TLN2: variants seen among roughly 807,000 people sequenced by gnomAD.
TLN2 encodes talin-2.
TLN2 carries 118 observed loss-of-function variants against 294.7 expected under a neutral mutation model. The ratio of observed to expected loss-of-function variants is 0.40; its 90% CI spans 0.34 to 0.47. The LOEUF (loss-of-function observed/expected upper bound fraction) is 0.47, where lower values mean the gene tolerates loss of function less well. TLN2 is among the 20% of genes least tolerant of loss of function. The probability of loss-of-function intolerance (pLI) is 0.84; values close to 1 mark genes in which losing one functional copy is unlikely to be tolerated. For missense variants in TLN2, 3,083 were observed against 3,282.2 expected, an observed-to-expected ratio of 0.94 and a Z score of 1.48; for synonymous variants, 1,431 against 1,304.5, an observed-to-expected ratio of 1.10 and a Z score of -2.09.
At chr15:62,820,721 G>T in intron 54 of TLN2, 111 bp downstream of exon 54, 1 of 1,407,824 alleles carries the variant, frequency 7.1e-7, no homozygotes, top group Non-Finnish European at 9.5e-7. Flanking sequence ...CTTATGGTCA[G>T]ACTAGCAAGC....
At chr15:62,732,577 A>G (rs943767946) in intron 28 of TLN2, among the ~76,000 whole-genome samples, 25 of 152,248 alleles carry the variant, frequency 1.6e-4, no homozygotes, top group African/African-American at 6.0e-4. Flanking sequence ...CTGTGGACAC[A>G]GTTCAGATTG....
rs2067385500 is a variant in TLN2 at position 62,819,522 on chromosome 15, C to T, written c.6778C>T (p.Gln2260Ter). 1.9e-6 allele frequency: 3 copies of T among 1,613,974 alleles called. No homozygotes were observed. The highest frequency in any genetic ancestry group is 2.5e-6 in the Non-Finnish European group (3 of 1,179,996). The change falls in exon 53 of 59, where the codon CAG becomes TAG. Residue 2260 changes from glutamine (Q) to a stop codon, truncating the protein, a stop_gained. Transcript: ENST00000636159. LOFTEE classifies it high-confidence loss of function. ...DLLEHVLVIL[Q>*]KPTPEFKQQL... Reference sequence around the variant, plus strand: ...ACTTGTTCTTCACCTGTAGATTCTTCAGAAACCAACCCCAGAATTCAAGCA... The same window carrying T: ...ACTTGTTCTTCACCTGTAGATTCTTTAGAAACCAACCCCAGAATTCAAGCA...
intron 1 of TLN2, among the ~76,000 whole-genome samples, chr15:62,461,963 G>T (rs575770037): frequency 6.6e-6 from 1 of 152,226 alleles, no homozygotes; most frequent in Non-Finnish European, 1.5e-5. Context: ...TAGGCTGGGC[G>T]TGGTGGCTCA....
intron 2 of TLN2, among the ~76,000 whole-genome samples, chr15:62,607,030 C>G (rs957236451): frequency 3.9e-5 from 6 of 152,178 alleles, no homozygotes; most frequent in Admixed American, 6.5e-5. Context: ...TCCGCCCCTT[C>G]CTCATCTCCG....
At chr15:62,620,189 G>A (rs117747807) in intron 3 of TLN2, among the ~76,000 whole-genome samples, 601 of 151,964 alleles carry the variant, frequency 4.0e-3, no homozygotes, top group Middle Eastern at 0.01. Flanking sequence ...CTATATTGCC[G>A]AGGCTAATCT....
intron 1 of TLN2, among the ~76,000 whole-genome samples, chr15:62,521,203 A>G (rs533988966): frequency 1.8e-4 from 28 of 151,734 alleles, no homozygotes; most frequent in African/African-American, 6.0e-4. Context: ...ATCACATCCC[A>G]CCCTTCTCTT....
Position 62,809,917 on chromosome 15 carries a change from C to G in TLN2, c.6664-8C>G, listed in dbSNP as rs1240502983. The stretch of plus-strand genomic sequence containing the variant: ...TGTTAAGATTTCAGCATTCCTTTCT[C>G]TCTCCAGCAAGCATCCTTCCACCCC... On this transcript the variant is annotated splice_polypyrimidine_tract_variant and splice_region_variant and intron_variant, in intron 51 of 58. Coordinates refer to ENST00000636159, the MANE Select transcript of TLN2 (RefSeq NM_015059.3). The G allele has an allele frequency of 1.9e-6, 3 of 1,613,682 alleles. No homozygotes were observed. The highest frequency in any genetic ancestry group is 1.7e-5 in the Admixed American group (1 of 59,994).
intron 45 of TLN2, among the ~76,000 whole-genome samples, chr15:62,786,390 C>T (rs762428624): frequency 6.6e-6 from 1 of 152,134 alleles, no homozygotes; most frequent in African/African-American, 2.4e-5. Context: ...CAAGCAGGAG[C>T]TTTATCTGCT....
chr15:62,781,544 G>A (rs1387476525), intron 44 of TLN2, among the ~76,000 whole-genome samples: 1 of 152,208 alleles, frequency 6.6e-6, no homozygotes, highest in Non-Finnish European at 1.5e-5. Flanking sequence ...GGAAAGCAAG[G>A]AATTTGTAGT....
chr15:62,740,861 C>T, intron 32 of TLN2, 92 bp downstream of exon 32: 2 of 1,543,854 alleles, frequency 1.3e-6, no homozygotes, highest in Non-Finnish European at 1.8e-6. Flanking sequence ...TTTTGCTGAG[C>T]AAAAGAATTG....
rs558748161 is a variant in TLN2 at position 62,504,708 on chromosome 15, C to T, written c.-237-84979C>T. Among the ~76,000 whole-genome samples, 87 of 152,134 alleles carry T rather than the reference C, an allele frequency of 5.7e-4. 2 individuals carry two copies. The South Asian group carries it at 0.018, about 31-fold the overall frequency. Reference sequence around the variant, plus strand: ...GATCGTAGACTTTAAGTAAAACTTCCAGTAGTTCCATTAGGCTATTTATTT... The same window carrying T: ...GATCGTAGACTTTAAGTAAAACTTCTAGTAGTTCCATTAGGCTATTTATTT... On this transcript the variant is annotated intron_variant, in intron 1 of 58. Transcript: ENST00000636159.
At chr15:62,426,974 T>C (rs1468826880) in intron 1 of TLN2, among the ~76,000 whole-genome samples, 1 of 152,184 alleles carries the variant, frequency 6.6e-6, no homozygotes, top group African/African-American at 2.4e-5. Flanking sequence ...TCTCCATTTA[T>C]AGCTTAAGCA....
chr15:62,752,183 G>C, intron 34 of TLN2, 122 bp from the exon 35 acceptor site: 1 of 1,288,666 alleles, frequency 7.8e-7, no homozygotes, highest in Non-Finnish European at 1.1e-6. Context: ...CCAAATAAAG[G>C]AGAAAATGTC....
chr15:62,619,001 G>A (rs961851279), intron 3 of TLN2, among the ~76,000 whole-genome samples: 5 of 152,130 alleles, frequency 3.3e-5, no homozygotes, highest in Admixed American at 1.3e-4. Context: ...AAGCAAATCA[G>A]CATTTCTGTC....
At chr15:62,773,540 C>G (rs1197859653) in intron 42 of TLN2, among the ~76,000 whole-genome samples, 1 of 152,066 alleles carries the variant, frequency 6.6e-6, no homozygotes, top group Non-Finnish European at 1.5e-5. Flanking sequence ...TCAACCCTTT[C>G]CTTAGAAGCC....
chr15:62,761,536 C>G, intron 37 of TLN2, 145 bp from the exon 38 acceptor site: 3 of 1,115,460 alleles, frequency 2.7e-6, no homozygotes, highest in Non-Finnish European at 3.8e-6. Context: ...TCTCTTTCAT[C>G]AGTTCCTATT....
intron 28 of TLN2, among the ~76,000 whole-genome samples, chr15:62,736,005 A>G (rs904045975): frequency 6.6e-6 from 1 of 152,206 alleles, no homozygotes; most frequent in Non-Finnish European, 1.5e-5. Context: ...TGGTTCTGTT[A>G]ACATGAAGTT....
chr15:62,794,521 A>G (rs1401404527), intron 46 of TLN2, among the ~76,000 whole-genome samples: 1 of 152,136 alleles, frequency 6.6e-6, no homozygotes, highest in East Asian at 1.9e-4. Flanking sequence ...AGACACATAT[A>G]CAACCCTGCA....
At chr15:62,477,966 G>T (rs955937711) in intron 1 of TLN2, among the ~76,000 whole-genome samples, 1 of 152,070 alleles carries the variant, frequency 6.6e-6, no homozygotes, top group African/African-American at 2.4e-5. Context: ...TCCAGCTGCT[G>T]CAGTAGACCT....
Sources: allele counts gnomAD v4.1 joint callset (sites outside exome capture counted in the v4.1 genomes callset), GRCh38; gene constraint gnomAD v4.1.1; transcripts MANE v1.5; gene names NCBI Gene and HGNC (gene_info 2026-07-23, HGNC 2026-07-21).